DLG5: variants seen among roughly 807,000 people sequenced by gnomAD.
DLG5 encodes the protein disks large homolog 5.
In DLG5, 48 loss-of-function variants were observed where a neutral mutation model predicts 189.8. The ratio of observed to expected loss-of-function variants is 0.25; its 90% CI spans 0.20 to 0.32. DLG5 has a LOEUF of 0.32. Among genes scored for constraint, DLG5 ranks in the 10% least tolerant of loss-of-function variants. The pLI, the probability that DLG5 is intolerant of heterozygous loss-of-function variation, is 1.00. For synonymous variants in DLG5, 1,016 were observed against 1,054.1 expected (o/e 0.96, Z 0.70); for missense variants, 2,160 against 2,544.7 (o/e 0.85, Z 3.25).
chr10:77,816,728 T>G (rs550320272), intron 19 of DLG5, 27 bp from the exon 20 acceptor site: 3 of 1,579,178 alleles, frequency 1.9e-6, no homozygotes, highest in Non-Finnish European at 2.6e-6. Context: ...GTAATGCCGG[T>G]GTGAACTCCC....
intron 7 of DLG5, among the ~76,000 whole-genome samples, chr10:77,839,195 T>C (rs923387268): frequency 6.6e-6 from 1 of 152,194 alleles, no homozygotes; most frequent in Non-Finnish European, 1.5e-5. Context: ...GTCTTCACGA[T>C]TAACTTCAAA....
intron 2 of DLG5, among the ~76,000 whole-genome samples, chr10:77,859,677 C>T (rs1303977887): frequency 6.6e-6 from 1 of 152,196 alleles, no homozygotes; most frequent in Non-Finnish European, 1.5e-5. Context: ...CATGTTTACA[C>T]AACAACTAAA....
chr10:77,907,652 A>G (rs2131824685), intron 1 of DLG5, among the ~76,000 whole-genome samples: 1 of 137,800 alleles, frequency 7.3e-6, no homozygotes, highest in Non-Finnish European at 1.5e-5. Context: ...GTCAACACTT[A>G]CTAACTTATT....
rs1033785860 is a variant in DLG5 at position 77,796,915 on chromosome 10, C to T, written c.5165-321G>A. On this transcript the variant is annotated intron_variant, in intron 27 of 31. Transcript: ENST00000372391. This position sits in a 1 kb window ranked among gnomAD's most constrained non-coding sequence, Gnocchi z 5.2. ...ATCTCCATTCTCCTCTGCTCTCTGG[C>T]AAGGCAGCCTCTGGGGTTTGGCAGG... Among the ~76,000 whole-genome samples the T allele has an allele frequency of 1.4e-4, 21 of 152,194 alleles. No homozygotes were observed. The highest frequency in any genetic ancestry group is 4.3e-4 in the African/African-American group (18 of 41,448).
At chr10:77,879,934 A>G (rs1305265218) in intron 1 of DLG5, among the ~76,000 whole-genome samples, 1 of 152,076 alleles carries the variant, frequency 6.6e-6, no homozygotes, top group Non-Finnish European at 1.5e-5. Flanking sequence ...TTCACTGACA[A>G]GGTCATGGCT....
At chr10:77,903,000 T>G (rs1564587134) in intron 1 of DLG5, among the ~76,000 whole-genome samples, 1 of 152,208 alleles carries the variant, frequency 6.6e-6, no homozygotes, top group Non-Finnish European at 1.5e-5. Flanking sequence ...CATCCCTCAT[T>G]CAAAAATCCA....
intron 5 of DLG5, among the ~76,000 whole-genome samples, chr10:77,849,993 C>A (rs917287218): frequency 1.3e-5 from 2 of 152,180 alleles, no homozygotes; most frequent in Non-Finnish European, 2.9e-5. Context: ...AGCCACTGTA[C>A]CCAGACTGGA....
intron 1 of DLG5, among the ~76,000 whole-genome samples, chr10:77,870,249 G>A (rs1844844845): frequency 6.6e-6 from 1 of 152,250 alleles, no homozygotes; most frequent in Non-Finnish European, 1.5e-5. Flanking sequence ...AGAGCGGTAT[G>A]TACCAGGCCA....
chr10:77,795,960 G>C, intron 29 of DLG5, 101 bp downstream of exon 29: 1 of 1,548,840 alleles, frequency 6.5e-7, no homozygotes, highest in Non-Finnish European at 8.9e-7. Context: ...CTCACTGAAG[G>C]TCTGAGCCGC....
intron 29 of DLG5, among the ~76,000 whole-genome samples, chr10:77,795,703 C>T (rs1428539852): frequency 6.6e-6 from 1 of 152,084 alleles, no homozygotes; most frequent in Non-Finnish European, 1.5e-5. Flanking sequence ...CCAGAAGGTG[C>T]ATGTGAAATT....
At chr10:77,827,251 AG>A (rs1487516240) in intron 13 of DLG5, among the ~76,000 whole-genome samples, 1 of 152,084 alleles carries the variant, frequency 6.6e-6, no homozygotes, top group Non-Finnish European at 1.5e-5. Context: ...TAGAGACAGG[AG>A]TCTTGCTCTG....
chr10:77,901,652 C>T (rs899653526), intron 1 of DLG5, among the ~76,000 whole-genome samples: 3 of 152,210 alleles, frequency 2.0e-5, no homozygotes, highest in Admixed American at 6.5e-5. Context: ...ACACCCCAGC[C>T]TCCTGGCACT....
At chr10:77,914,370 G>GT (rs1339635038) in intron 1 of DLG5, among the ~76,000 whole-genome samples, 1 of 152,152 alleles carries the variant, frequency 6.6e-6, no homozygotes, top group East Asian at 1.9e-4. Context: ...AGTAGCTCCA[G>GT]AGGCGGCAGC....
chr10:77,803,380 A>C (rs775629680), intron 27 of DLG5, among the ~76,000 whole-genome samples: 2 of 152,228 alleles, frequency 1.3e-5, no homozygotes, highest in Non-Finnish European at 2.9e-5. Flanking sequence ...ACTTGGATAA[A>C]ATTTTTAAAA....
intron 1 of DLG5, among the ~76,000 whole-genome samples, chr10:77,903,540 C>T (rs2154577951): frequency 6.6e-6 from 1 of 151,500 alleles, no homozygotes; most frequent in Non-Finnish European, 1.5e-5. Flanking sequence ...ATCGCTTGAA[C>T]CTGGGAGGCA....
chr10:77,828,486 C>CACAA (rs1842748108), intron 13 of DLG5, among the ~76,000 whole-genome samples: 1 of 66,466 alleles, frequency 1.5e-5, no homozygotes, highest in South Asian at 8.2e-4. Context: ...GACTCCATAT[C>CACAA]AAAAAAAAAA....
chr10:77,800,391 GC>G (rs1184185954), intron 27 of DLG5, among the ~76,000 whole-genome samples: 1 of 152,214 alleles, frequency 6.6e-6, no homozygotes, highest in Non-Finnish European at 1.5e-5. Context: ...CATTCTGCAG[GC>G]CTTTCCCCCT....
intron 1 of DLG5, among the ~76,000 whole-genome samples, chr10:77,922,096 A>G (rs1398838570): frequency 1.3e-5 from 2 of 152,160 alleles, no homozygotes; most frequent in East Asian, 3.9e-4. Flanking sequence ...TGAGCGTCCC[A>G]TTCCCCCAAC....
intron 20 of DLG5, among the ~76,000 whole-genome samples, chr10:77,813,862 T>C (rs1391264116): frequency 6.6e-6 from 1 of 152,250 alleles, no homozygotes; most frequent in Non-Finnish European, 1.5e-5. Context: ...CTTATATTTA[T>C]CTGCATCTGC....
Sources: allele counts gnomAD v4.1 joint callset (sites outside exome capture counted in the v4.1 genomes callset), GRCh38; gene constraint gnomAD v4.1.1; non-coding constraint Gnocchi (gnomAD v3.1); transcripts MANE v1.5; gene names NCBI Gene and HGNC (gene_info 2026-07-23, HGNC 2026-07-21).